Variants in ADGRL3 observed in about 807,000 individuals in gnomAD.
ADGRL3 encodes the protein adhesion G protein-coupled receptor L3, also known as calcium-independent alpha-latrotoxin receptor 3.
Under a neutral mutation model 153.5 loss-of-function variants are expected in ADGRL3, and 62 were observed. That is an observed-to-expected ratio of 0.40 (90% CI 0.33 to 0.50). The LOEUF (loss-of-function observed/expected upper bound fraction) is 0.50. Ranked by LOEUF, ADGRL3 falls within the 20% of genes least tolerant of loss-of-function variation. The probability of loss-of-function intolerance (pLI) is 0.47; values close to 1 mark genes in which losing one functional copy is unlikely to be tolerated. For missense variants in ADGRL3, 1,641 were observed against 1,859.4 expected, an observed-to-expected ratio of 0.88 and a Z score of 2.16; for synonymous variants, 710 against 672.5, an observed-to-expected ratio of 1.06 and a Z score of -0.86.
chr4:61,348,422 C>T (rs906168576), intron 1 of ADGRL3, among the ~76,000 whole-genome samples: 6 of 151,864 alleles, frequency 4.0e-5, no homozygotes, highest in Non-Finnish European at 7.4e-5. Context: ...TCAATGAGAT[C>T]ACGTAATAAA....
At chr4:61,418,059 C>T (rs2097163747) in intron 2 of ADGRL3, among the ~76,000 whole-genome samples, 4 of 152,112 alleles carry the variant, frequency 2.6e-5, no homozygotes, top group Admixed American at 2.6e-4. Flanking sequence ...ATGTGACCTT[C>T]ATTTTTGTGC....
rs543456350 is a variant in ADGRL3 at position 61,434,633 on chromosome 4, A to T, written c.-174+51444A>T. Among the ~76,000 whole-genome samples the T allele has an allele frequency of 1.5e-3, 222 of 152,128 alleles. 2 individuals are homozygous for T. Among genetic ancestry groups the T allele is most frequent in the African/African-American group, 5.2e-3 (214 of 41,544 alleles). On this transcript the variant is annotated intron_variant, in intron 2 of 26. Coordinates refer to ENST00000683033, the MANE Select transcript of ADGRL3 (RefSeq NM_001387552.1). ...ACTCCGAATCCTGCTGACTATTTTTAAAATGTTCTCAAATTTCATTTGCAG... is the reference window on the plus strand; with the variant it reads ...ACTCCGAATCCTGCTGACTATTTTTTAAATGTTCTCAAATTTCATTTGCAG...
At chr4:61,710,592 G>A (rs1017962719) in intron 6 of ADGRL3, among the ~76,000 whole-genome samples, 8 of 152,026 alleles carry the variant, frequency 5.3e-5, no homozygotes, top group Admixed American at 3.9e-4. Context: ...ACTAAGCAAG[G>A]GAATTGTATA....
At chr4:61,273,188 A>T (rs773495861) in intron 1 of ADGRL3, among the ~76,000 whole-genome samples, 13 of 152,180 alleles carry the variant, frequency 8.5e-5, no homozygotes, top group Non-Finnish European at 1.5e-4. Context: ...ACTCAGGACC[A>T]GATTTTAGTT....
At chr4:61,382,971 A>G (rs1171363614) in intron 1 of ADGRL3, among the ~76,000 whole-genome samples, 153 bp from the exon 2 acceptor site, 3 of 151,958 alleles carry the variant, frequency 2.0e-5, no homozygotes, top group African/African-American at 7.2e-5. Flanking sequence ...TCCTCTACAT[A>G]CCATAGTTCT....
At chr4:61,423,634 T>C (rs1227644236) in intron 2 of ADGRL3, among the ~76,000 whole-genome samples, 1 of 152,160 alleles carries the variant, frequency 6.6e-6, no homozygotes, top group African/African-American at 2.4e-5. Context: ...GGGCCAGTAA[T>C]GCCATTTTAA....
At chr4:61,578,504 T>C (rs1292771643) in intron 4 of ADGRL3, among the ~76,000 whole-genome samples, 1 of 152,132 alleles carries the variant, frequency 6.6e-6, no homozygotes, top group African/African-American at 2.4e-5. Context: ...TTAAGATTAA[T>C]TTGATAAATC....
chr4:61,495,771 T>G lies in ADGRL3; in HGVS notation c.-173-1350T>G, dbSNP rs571953426. ...ACACCTCTAGGCAAGATTCCTCATC[T>G]TGAATTGTACAATCCTGGAGAATAG... On this transcript the variant is annotated intron_variant, in intron 2 of 26. Coordinates refer to ENST00000683033, the MANE Select transcript of ADGRL3 (RefSeq NM_001387552.1). Among the ~76,000 whole-genome samples, 8 of 152,286 alleles carry G rather than the reference T, an allele frequency of 5.3e-5. No homozygotes were observed. In the South Asian group the frequency reaches 1.7e-3, roughly 32 times the overall value.
At chr4:61,594,587 G>T (rs1476745044) in intron 5 of ADGRL3, among the ~76,000 whole-genome samples, 2 of 152,140 alleles carry the variant, frequency 1.3e-5, no homozygotes, top group African/African-American at 4.8e-5. Context: ...GCAGAGACTT[G>T]TTTTTTCCCC....
chr4:61,743,586 G>A (rs935819236), intron 8 of ADGRL3, among the ~76,000 whole-genome samples: 7 of 152,060 alleles, frequency 4.6e-5, no homozygotes, highest in East Asian at 1.9e-4. Flanking sequence ...CAATATCTAC[G>A]ATAATTTGGC....
chr4:61,602,299 A>G (rs900305088), intron 5 of ADGRL3, among the ~76,000 whole-genome samples: 1 of 152,110 alleles, frequency 6.6e-6, no homozygotes, highest in African/African-American at 2.4e-5. Flanking sequence ...GATCAGCTTG[A>G]CATCATATCC....
intron 8 of ADGRL3, among the ~76,000 whole-genome samples, chr4:61,804,105 T>G (rs1210417885): frequency 6.6e-6 from 1 of 152,200 alleles, no homozygotes; most frequent in African/African-American, 2.4e-5. Flanking sequence ...TTTTAAATTA[T>G]CTTGAAAAGA....
At chr4:61,244,465 C>T (rs1380306267) in intron 1 of ADGRL3, among the ~76,000 whole-genome samples, 4 of 151,846 alleles carry the variant, frequency 2.6e-5, no homozygotes, top group African/African-American at 9.7e-5. Flanking sequence ...TAGATTTATG[C>T]ATGTGTAAAT....
chr4:61,467,899 A>G (rs986860216), intron 2 of ADGRL3, among the ~76,000 whole-genome samples: 1 of 152,190 alleles, frequency 6.6e-6, no homozygotes, highest in Non-Finnish European at 1.5e-5. Flanking sequence ...TGTATAACAT[A>G]CAATAATTTG....
intron 1 of ADGRL3, among the ~76,000 whole-genome samples, chr4:61,215,599 T>G (rs1274380169): frequency 7.2e-6 from 1 of 138,578 alleles, no homozygotes. Flanking sequence ...CTTCTCAGGT[T>G]GGAGTGCAGT....
At chr4:61,741,122 G>C (rs1334787116) in intron 8 of ADGRL3, among the ~76,000 whole-genome samples, 1 of 152,160 alleles carries the variant, frequency 6.6e-6, no homozygotes, top group Non-Finnish European at 1.5e-5. Context: ...AGTAATGTGA[G>C]TGCTGGGCAG....
chr4:61,551,622 T>TCACC (rs2098740878), intron 4 of ADGRL3, among the ~76,000 whole-genome samples: 1 of 152,204 alleles, frequency 6.6e-6, no homozygotes, highest in Non-Finnish European at 1.5e-5. Flanking sequence ...GGTTGTTTTC[T>TCACC]CACCCCTTGG....
intron 13 of ADGRL3, among the ~76,000 whole-genome samples, chr4:61,915,086 G>A (rs2098739121): frequency 6.6e-6 from 1 of 151,860 alleles, no homozygotes; most frequent in African/African-American, 2.4e-5. Flanking sequence ...TATTTAAAAG[G>A]AAAAGGAGAA....
intron 1 of ADGRL3, among the ~76,000 whole-genome samples, chr4:61,209,272 A>G (rs1363289353): frequency 6.6e-6 from 1 of 152,102 alleles, no homozygotes; most frequent in Non-Finnish European, 1.5e-5. Context: ...TTGGACTGAG[A>G]GTCACTTGAA....
Sources: gnomAD v4.1 joint callset for allele counts (sites outside exome capture counted in the v4.1 genomes callset) on GRCh38, gnomAD v4.1.1 for gene constraint, MANE v1.5 for transcripts, NCBI Gene and HGNC (gene_info 2026-07-23, HGNC 2026-07-21) for gene names.